The following RBFOX3 variants were observed in gnomAD, a reference collection of about 807,000 sequenced individuals.
RBFOX3 encodes RNA binding protein fox-1 homolog 3.
In RBFOX3, 17 loss-of-function variants were observed where a neutral mutation model predicts 48.7. The ratio of observed to expected loss-of-function variants is 0.35; its 90% CI spans 0.24 to 0.52. RBFOX3 has a LOEUF of 0.52. RBFOX3 is among the 20% of genes least tolerant of loss of function. RBFOX3 has a pLI of 0.94. For missense variants in RBFOX3, 382 were observed against 497.5 expected, an observed-to-expected ratio of 0.77 and a Z score of 2.21; for synonymous variants, 212 against 209.5, an observed-to-expected ratio of 1.01 and a Z score of -0.10.
At chr17:79,253,097 C>G (rs1213703873) in intron 3 of RBFOX3, among the ~76,000 whole-genome samples, 2 of 152,120 alleles carry the variant, frequency 1.3e-5, no homozygotes, top group Non-Finnish European at 2.9e-5. Flanking sequence ...TGTTTCAGGT[C>G]CCCCTTCTTC....
Position 79,106,934 on chromosome 17 carries a change from G to C in RBFOX3, c.223-146C>G. On this transcript the variant is annotated intron_variant, in intron 5 of 14. Transcript: ENST00000693108. Reference sequence around the variant, plus strand: ...CATCCCTGGGCTGGGATCCTTGGCAGAATCTGGGCAGACGGTTCCCATGAG... The same window carrying C: ...CATCCCTGGGCTGGGATCCTTGGCACAATCTGGGCAGACGGTTCCCATGAG... 5.4e-6 allele frequency: 6 copies of C among 1,110,002 alleles called. 1 individual carries two copies. In the South Asian group the frequency reaches 1.1e-4, roughly 20 times the overall value. 68.8% of individuals were successfully genotyped at this position (1,110,002 alleles called of 1,614,324 possible).
intron 2 of RBFOX3, among the ~76,000 whole-genome samples, chr17:79,322,652 G>A (rs569801564): frequency 3.3e-5 from 5 of 152,288 alleles, no homozygotes; most frequent in East Asian, 1.9e-4. Flanking sequence ...GTCCCCAGCC[G>A]CTGAGACAGG....
the RBFOX3 span, among the ~76,000 whole-genome samples, chr17:79,652,190 T>A: frequency 3.3e-5 from 5 of 152,168 alleles, no homozygotes; most frequent in South Asian, 1.0e-3. Flanking sequence ...CTAGTACAAG[T>A]GTATGCTTTA....
chr17:79,615,338 A>C (rs1411631435), upstream of RBFOX3, among the ~76,000 whole-genome samples: 140 of 152,238 alleles, frequency 9.2e-4, no homozygotes, highest in East Asian at 1.9e-4. Flanking sequence ...GCTCTAACAA[A>C]ACAAGGGTGT....
At chr17:79,309,585 C>T (rs2076558762) in intron 2 of RBFOX3, among the ~76,000 whole-genome samples, 1 of 152,228 alleles carries the variant, frequency 6.6e-6, no homozygotes, top group South Asian at 2.1e-4. Flanking sequence ...GCCCCCTCCC[C>T]ATCACCTGCC....
chr17:79,589,675 AC>A (rs1599234608), intron 1 of RBFOX3, among the ~76,000 whole-genome samples: 1 of 151,624 alleles, frequency 6.6e-6, no homozygotes, highest in African/African-American at 2.4e-5. Flanking sequence ...AGGAGCTGGG[AC>A]CCCCTGGAAG....
intron 1 of RBFOX3, among the ~76,000 whole-genome samples, chr17:79,547,806 G>C (rs1002276160): frequency 6.6e-6 from 1 of 151,888 alleles, no homozygotes; most frequent in Non-Finnish European, 1.5e-5. Context: ...CCTGGACAAG[G>C]CTTGGGTTGG....
rs926407632 is a variant in RBFOX3 at position 79,103,357 on chromosome 17, T to C, written c.415-103A>G. ...GAGGAGTGGGAGGGGGGCAGGGGAG[T>C]GGGGAGAGAGAGAGAAGGGGTTGAG... On this transcript the variant is annotated intron_variant, in intron 7 of 14. Transcript: ENST00000693108. This position sits in a 1 kb window ranked among gnomAD's most constrained non-coding sequence, Gnocchi z 6.1. 13 of 689,392 alleles carry C rather than the reference T, an allele frequency of 1.9e-5. No individual in the cohort carries two copies. The highest frequency in any genetic ancestry group is 2.6e-4 in the Middle Eastern group (1 of 3,834). 42.7% of individuals were successfully genotyped at this position (689,392 alleles called of 1,614,324 possible). A position where few individuals can be genotyped will look rare whatever the true frequency, so the allele number is the denominator to read the frequency against.
At chr17:79,163,918 C>T (rs149611654) in intron 4 of RBFOX3, among the ~76,000 whole-genome samples, 1 of 152,372 alleles carries the variant, frequency 6.6e-6, no homozygotes, top group Non-Finnish European at 1.5e-5. Context: ...GCCATGCAAA[C>T]AGGCTGGGGC....
intron 4 of RBFOX3, among the ~76,000 whole-genome samples, chr17:79,200,784 G>C (rs2056630418): frequency 6.6e-6 from 1 of 152,160 alleles, no homozygotes; most frequent in Non-Finnish European, 1.5e-5. Context: ...ACTGATGGGG[G>C]ATGCACCTGG....
At chr17:79,576,952 C>T (rs1217274991) in intron 1 of RBFOX3, among the ~76,000 whole-genome samples, 7 of 152,140 alleles carry the variant, frequency 4.6e-5, no homozygotes, top group Non-Finnish European at 1.0e-4. Flanking sequence ...TGCTGTCCAC[C>T]TTTCTATCTT....
chr17:79,466,817 A>T (rs2076374121), intron 2 of RBFOX3, among the ~76,000 whole-genome samples: 1 of 152,054 alleles, frequency 6.6e-6, no homozygotes, highest in Admixed American at 6.5e-5. Context: ...GGGGAGCCAC[A>T]GAGTGCAGCC....
chr17:79,589,785 A>G (rs2093364175), intron 1 of RBFOX3, among the ~76,000 whole-genome samples: 1 of 152,120 alleles, frequency 6.6e-6, no homozygotes, highest in African/African-American at 2.4e-5. Context: ...TCGTCCCACC[A>G]TGGGGGGTCT....
rs889047892 is a variant in RBFOX3, at chr17:79,513,482, T to C, written c.-319-30884A>G. On this transcript the variant is annotated intron_variant, in intron 1 of 14. Coordinates refer to ENST00000693108, the MANE Select transcript of RBFOX3 (RefSeq NM_001350451.2). ...GCCAGGTGGCACATACCTGGAAGCA[T>C]TCACCATCAGGCACAGCTGCCCTGA... Among the ~76,000 whole-genome samples the C allele has an allele frequency of 1.8e-4, 28 of 152,180 alleles. No homozygotes were observed. In the East Asian group the frequency reaches 3.8e-3, roughly 21 times the overall value.
intron 2 of RBFOX3, among the ~76,000 whole-genome samples, chr17:79,429,760 T>G (rs2068074774): frequency 2.0e-5 from 3 of 152,288 alleles, no homozygotes; most frequent in Admixed American, 6.5e-5. Flanking sequence ...ACATGCTTCC[T>G]GAGTGAGATC....
intron 2 of RBFOX3, among the ~76,000 whole-genome samples, chr17:79,356,887 G>A (rs566525931): frequency 6.6e-6 from 1 of 152,300 alleles, no homozygotes; most frequent in Non-Finnish European, 1.5e-5. Context: ...TGCCCCTGCT[G>A]CAACTCCGTC....
chr17:79,625,642 A>G, the RBFOX3 span, among the ~76,000 whole-genome samples: 11 of 152,162 alleles, frequency 7.2e-5, no homozygotes, highest in Non-Finnish European at 1.6e-4. Context: ...AAATACAAAA[A>G]TCACCTGGGC....
At chr17:79,116,240 A>G (rs1278557426) in intron 4 of RBFOX3, among the ~76,000 whole-genome samples, 2 of 152,188 alleles carry the variant, frequency 1.3e-5, no homozygotes, top group African/African-American at 4.8e-5. Flanking sequence ...TTCCCCTTTT[A>G]GAGCCAACCC....
rs948384802 is a variant in RBFOX3, at chr17:79,481,627, C to T, written c.-175+827G>A. ...CAGAGAGGGCTAGAGACAGCTCAGT[C>T]ACGTGGCTCGGGGAGCTTGCGGTTG... On this transcript the variant is annotated intron_variant, in intron 2 of 14. Coordinates refer to ENST00000693108, the MANE Select transcript of RBFOX3 (RefSeq NM_001350451.2). This position sits in a 1 kb window ranked among gnomAD's most constrained non-coding sequence, Gnocchi z 5.4. 8.5e-5 allele frequency among the ~76,000 whole-genome samples: 13 copies of T among 152,260 alleles called. No homozygotes were observed. Among genetic ancestry groups the T allele is most frequent in the Middle Eastern group, 3.4e-3 (1 of 294 alleles).
Sources: allele counts gnomAD v4.1 joint callset (sites outside exome capture counted in the v4.1 genomes callset), GRCh38; gene constraint gnomAD v4.1.1; non-coding constraint Gnocchi (gnomAD v3.1); transcripts MANE v1.5; gene names NCBI Gene and HGNC (gene_info 2026-07-23, HGNC 2026-07-21).